The following OSBPL6 variants were observed in gnomAD, a reference collection of about 807,000 sequenced individuals.
OSBPL6 encodes oxysterol binding protein like 6.
OSBPL6 carries 49 observed loss-of-function variants against 125.8 expected under a neutral mutation model. The ratio of observed to expected loss-of-function variants is 0.39; its 90% CI spans 0.31 to 0.49. OSBPL6 has a LOEUF of 0.49. Among genes scored for constraint, OSBPL6 ranks in the 20% least tolerant of loss-of-function variants. The pLI is 0.88. For missense variants in OSBPL6, 986 were observed against 1,135.4 expected, an observed-to-expected ratio of 0.87 and a Z score of 1.89; for synonymous variants, 394 against 391.8, an observed-to-expected ratio of 1.01 and a Z score of -0.07.
chr2:178,337,643 A>C lies in OSBPL6; in HGVS notation c.790+1210A>C, dbSNP rs137885738. Among the ~76,000 whole-genome samples the C allele has an allele frequency of 1.5e-3, 223 of 152,314 alleles. 1 individual carries two copies. The highest frequency in any genetic ancestry group is 4.7e-3 in the African/African-American group (194 of 41,558). On this transcript the variant is annotated intron_variant, in intron 9 of 24. Transcript: ENST00000190611. ...TCTCAGTAAGCAGGTAGGAGAGCTA[A>C]ATGCTACTATCACCATTTGACAGAT...
intron 2 of OSBPL6, among the ~76,000 whole-genome samples, chr2:178,290,013 A>C (rs983803960): frequency 1.3e-5 from 2 of 152,180 alleles, no homozygotes; most frequent in Admixed American, 6.5e-5. Flanking sequence ...TGTTTCGGGG[A>C]AGAACATCCT....
At chr2:178,356,299 T>C (rs1376594064) in intron 12 of OSBPL6, among the ~76,000 whole-genome samples, 2 of 152,134 alleles carry the variant, frequency 1.3e-5, no homozygotes, top group East Asian at 3.9e-4. Context: ...AGTCAAATTG[T>C]CCCTGTTTGC....
At chr2:178,371,944 T>C (rs1693430188) in intron 13 of OSBPL6, among the ~76,000 whole-genome samples, 182 bp from the exon 14 acceptor site, 1 of 152,170 alleles carries the variant, frequency 6.6e-6, no homozygotes, top group African/African-American at 2.4e-5. Flanking sequence ...TTATAAAAAA[T>C]GAATACCTTA....
chr2:178,317,437 C>CATATAT (rs6147046), intron 3 of OSBPL6, among the ~76,000 whole-genome samples: 1,415 of 106,650 alleles, frequency 0.013, 19 homozygotes, highest in Admixed American at 0.023. Flanking sequence ...ACTTAGACAC[C>CATATAT]ATATATATAT....
At position 178,282,500 on chromosome 2, in the gene OSBPL6, G is replaced by T. The variant is rs181447143; in HGVS notation, c.-350-2427G>T. 2.6e-5 allele frequency among the ~76,000 whole-genome samples: 4 copies of T among 152,240 alleles called. No individual in the cohort carries two copies. The East Asian group carries it at 5.8e-4, about 22-fold the overall frequency. On this transcript the variant is annotated intron_variant, in intron 1 of 24. Coordinates refer to ENST00000190611, the MANE Select transcript of OSBPL6 (RefSeq NM_032523.4). Reference sequence around the variant, plus strand: ...AATCAGACTAGGACAGAGGAACGGGGGTGAATGAGCAAAAAGAGCTGCAGG... The same window carrying T: ...AATCAGACTAGGACAGAGGAACGGGTGTGAATGAGCAAAAAGAGCTGCAGG...
chr2:178,252,374 C>CCG (rs2091727982), intron 1 of OSBPL6, among the ~76,000 whole-genome samples: 1 of 152,052 alleles, frequency 6.6e-6, no homozygotes, highest in Non-Finnish European at 1.5e-5. Flanking sequence ...CAGCGGTAGA[C>CCG]AAAATGTAAA....
intron 1 of OSBPL6, among the ~76,000 whole-genome samples, chr2:178,266,139 T>TG (rs761640104): frequency 2.0e-5 from 3 of 152,098 alleles, no homozygotes; most frequent in Non-Finnish European, 4.4e-5. Context: ...TAACATGGTG[T>TG]GGGATGAGGC....
At chr2:178,333,104 C>T (rs1332189622) in intron 8 of OSBPL6, 63 bp downstream of exon 8, 1 of 1,578,016 alleles carries the variant, frequency 6.3e-7, no homozygotes, top group Non-Finnish European at 8.7e-7. Context: ...AAATTTTGGC[C>T]AGGCACTGTG....
At chr2:178,283,262 G>A (rs1227715771) in intron 1 of OSBPL6, among the ~76,000 whole-genome samples, 1 of 152,102 alleles carries the variant, frequency 6.6e-6, no homozygotes, top group Non-Finnish European at 1.5e-5. Flanking sequence ...TACTTAAGGG[G>A]GCAATCATGG....
In OSBPL6 at chr2:178,349,361, A is replaced by T. The variant is rs1316249969; in HGVS notation, c.1125A>T (p.Gln375His). 3.7e-6 allele frequency: 6 copies of T among 1,614,196 alleles called. No individual in the cohort carries two copies. The highest frequency in any genetic ancestry group is 5.1e-6 in the Non-Finnish European group (6 of 1,180,028). ...GTTCAACAGATTATACAAAGCTGCA[A>T]GAAGAATTTTGTCTAATCGCACAGA... ...LESSTDYTKL[Q>H]EEFCLIAQKV... Residue 375 changes from glutamine (Q) to histidine (H), a missense_variant, in exon 12 of 25, where the codon CAA (glutamine) becomes CAT (histidine). Physicochemically the swap from Gln to His is conservative, Grantham distance 24. Coordinates refer to ENST00000190611, the MANE Select transcript of OSBPL6 (RefSeq NM_032523.4).
At chr2:178,346,519 C>T (rs1413451447) in intron 11 of OSBPL6, among the ~76,000 whole-genome samples, 1 of 152,180 alleles carries the variant, frequency 6.6e-6, no homozygotes, top group Non-Finnish European at 1.5e-5. Flanking sequence ...GTTCTTACTA[C>T]CAGAATATTC....
intron 1 of OSBPL6, among the ~76,000 whole-genome samples, chr2:178,197,126 T>C (rs930096020): frequency 6.6e-6 from 1 of 151,962 alleles, no homozygotes; most frequent in African/African-American, 2.4e-5. Flanking sequence ...TACCAAGGAA[T>C]AAAATTGCTG....
At chr2:178,295,959 T>C (rs921773221) in intron 2 of OSBPL6, among the ~76,000 whole-genome samples, 62 of 152,204 alleles carry the variant, frequency 4.1e-4, no homozygotes, top group African/African-American at 1.4e-3. Flanking sequence ...AAAACTTTCT[T>C]AATTTCAGAG....
At chr2:178,201,514 T>A (rs334108) in intron 1 of OSBPL6, among the ~76,000 whole-genome samples, 33,408 of 152,026 alleles carry the variant, frequency 0.22, 5,231 homozygotes, top group African/African-American at 0.45. Context: ...GCCTGGGATT[T>A]TAGTTGTGTG....
At chr2:178,331,843 A>G (rs1050814435) in intron 6 of OSBPL6, among the ~76,000 whole-genome samples, 5 of 152,326 alleles carry the variant, frequency 3.3e-5, no homozygotes, top group East Asian at 3.9e-4. Flanking sequence ...AAAGTGACGC[A>G]TGAGTAAAAT....
At chr2:178,349,103 C>T (rs1490504240) in intron 11 of OSBPL6, 121 bp from the exon 12 acceptor site, 1 of 1,060,200 alleles carries the variant, frequency 9.4e-7, no homozygotes, top group Non-Finnish European at 1.4e-6. Context: ...TACTGAGTGT[C>T]TCCAAGTGTG....
At chr2:178,283,445 A>C (rs1684406359) in intron 1 of OSBPL6, among the ~76,000 whole-genome samples, 1 of 152,116 alleles carries the variant, frequency 6.6e-6, no homozygotes, top group Non-Finnish European at 1.5e-5. Context: ...AGTCAAACCC[A>C]GGGAGTGATT....
intron 1 of OSBPL6, among the ~76,000 whole-genome samples, chr2:178,238,254 A>G (rs959684496): frequency 6.6e-6 from 1 of 152,220 alleles, no homozygotes; most frequent in Non-Finnish European, 1.5e-5. Flanking sequence ...TCTAAGTAGC[A>G]TAATGAAATC....
At chr2:178,379,526 T>C (rs1179487166) in intron 15 of OSBPL6, among the ~76,000 whole-genome samples, 1 of 152,148 alleles carries the variant, frequency 6.6e-6, no homozygotes, top group Non-Finnish European at 1.5e-5. Flanking sequence ...AAGAATAGAC[T>C]TTATAGCTGT....
Sources: allele counts gnomAD v4.1 joint callset (sites outside exome capture counted in the v4.1 genomes callset), GRCh38; gene constraint gnomAD v4.1.1; transcripts MANE v1.5; gene names NCBI Gene and HGNC (gene_info 2026-07-23, HGNC 2026-07-21).